Variants in PHC2 observed in about 807,000 individuals in gnomAD.
The protein encoded by PHC2 is polyhomeotic homolog 2.
In PHC2, 29 loss-of-function variants were observed where a neutral mutation model predicts 87.4. That is an observed-to-expected ratio of 0.33 (90% CI 0.25 to 0.45). PHC2 has a LOEUF of 0.45. Among genes scored for constraint, PHC2 ranks in the 20% least tolerant of loss-of-function variants. The pLI is 1.00. For synonymous variants in PHC2, 438 were observed against 461.7 expected (o/e 0.95, Z 0.66); for missense variants, 857 against 1,136.7 (o/e 0.75, Z 3.54).
At position 33,334,466 on chromosome 1, in the gene PHC2, A is replaced by G. The variant is rs916476149; in HGVS notation, c.1559-174T>C. On this transcript the variant is annotated intron_variant, in intron 9 of 14. Transcript: ENST00000683057. This position sits in a 1 kb window ranked among gnomAD's most constrained non-coding sequence, Gnocchi z 5.5. The stretch of plus-strand genomic sequence containing the variant: ...CCCATTTAAAAGTGGCACAGTTTCA[A>G]TGGACACATCACCAAGTATGAGTAT... 1.3e-5 allele frequency among the ~76,000 whole-genome samples: 2 copies of G among 152,222 alleles called. No homozygotes were observed. Among genetic ancestry groups the G allele is most frequent in the Admixed American group, 1.3e-4 (2 of 15,290 alleles).
At chr1:33,347,543 C>T (rs1220618074) in intron 9 of PHC2, 1 of 985,106 alleles carries the variant, frequency 1.0e-6, no homozygotes. Context: ...ACCTTTGTGC[C>T]ACATGTCAGT....
At chr1:33,428,748 T>C (rs1378654195) in intron 1 of PHC2, among the ~76,000 whole-genome samples, 2 of 152,140 alleles carry the variant, frequency 1.3e-5, no homozygotes, top group Admixed American at 6.5e-5. Context: ...GCATGAGACA[T>C]GGGTGGAAAC....
At chr1:33,333,171 ATTTC>A (rs1185673500) in intron 10 of PHC2, 3 of 152,252 alleles carry the variant, frequency 2.0e-5, no homozygotes, top group Non-Finnish European at 4.4e-5. Flanking sequence ...TTCCAGGCAG[ATTTC>A]TTTGCCACTG....
At chr1:33,399,966 AAG>A (rs911952862) in intron 1 of PHC2, among the ~76,000 whole-genome samples, 1 of 152,268 alleles carries the variant, frequency 6.6e-6, no homozygotes, top group South Asian at 2.1e-4. Context: ...AGAAATCAGT[AAG>A]AGAGAGATAT....
intron 1 of PHC2, among the ~76,000 whole-genome samples, chr1:33,381,736 G>A (rs573905627): frequency 2.0e-5 from 3 of 150,050 alleles, no homozygotes; most frequent in Admixed American, 6.7e-5. Context: ...AGTTGAAAAC[G>A]AACTGATATC....
Position 33,332,153 on chromosome 1 carries a change from G to A in PHC2, c.1891+122C>T. On this transcript the variant is annotated intron_variant, in intron 11 of 14. Transcript: ENST00000683057. The surrounding 1 kb of genome is among the most constrained non-coding windows in gnomAD (Gnocchi z 4.2). ...GGGAAGGAGGCTGAGGAGGTGCTGG[G>A]GGAAATGTTTACAGACTCGCTGGCT... 1 of 1,095,004 alleles carries A rather than the reference G, an allele frequency of 9.1e-7. No individual in the cohort carries two copies. Among genetic ancestry groups the A allele is most frequent in the East Asian group, 2.5e-5 (1 of 39,740 alleles). The allele number at this position is 1,095,004 out of a possible 1,614,324, so 67.8% of individuals were successfully genotyped here.
chr1:33,408,802 C>G (rs1649871510), intron 1 of PHC2, among the ~76,000 whole-genome samples: 1 of 152,104 alleles, frequency 6.6e-6, no homozygotes, highest in Non-Finnish European at 1.5e-5. Context: ...CTCATCCTTT[C>G]TCTAGGACCT....
chr1:33,370,683 T>TCC, intron 4 of PHC2, 98 bp from the exon 5 acceptor site: 1 of 1,215,924 alleles, frequency 8.2e-7, no homozygotes, highest in Non-Finnish European at 1.2e-6. Flanking sequence ...TGCTCCTTGG[T>TCC]TTATTCAGCC....
In PHC2 at chr1:33,331,967, G is replaced by A. The variant is rs80106889; in HGVS notation, c.1891+308C>T. 0.018 allele frequency among the ~76,000 whole-genome samples: 2,759 copies of A among 152,332 alleles called. 76 individuals carry two copies. The highest frequency in any genetic ancestry group is 0.062 in the African/African-American group (2,588 of 41,552). On this transcript the variant is annotated intron_variant, in intron 11 of 14. Coordinates refer to ENST00000683057, the MANE Select transcript of PHC2 (RefSeq NM_001385109.1). The surrounding 1 kb of genome is among the most constrained non-coding windows in gnomAD (Gnocchi z 5.2). ...CTGGCCCCAGTCTCAAGGCAGGGAC[G>A]AAGGGCAGGACTTGCCTGGGGCCAC...
At chr1:33,346,837 A>G (rs940601065) in intron 9 of PHC2, 1 of 985,348 alleles carries the variant, frequency 1.0e-6, no homozygotes, top group Non-Finnish European at 1.2e-6. Flanking sequence ...CACAATAGAG[A>G]AAAGTAGACA....
intron 1 of PHC2, among the ~76,000 whole-genome samples, chr1:33,405,076 C>A (rs370189944): frequency 6.6e-6 from 1 of 152,156 alleles, no homozygotes; most frequent in South Asian, 2.1e-4. Flanking sequence ...AAAAAGTATT[C>A]TTTATAATAC....
chr1:33,409,645 AATCT>A (rs906813325), intron 1 of PHC2, among the ~76,000 whole-genome samples: 1 of 152,204 alleles, frequency 6.6e-6, no homozygotes, highest in East Asian at 1.9e-4. Flanking sequence ...TTCCAGGCCC[AATCT>A]ATCTATCACT....
chr1:33,424,121 C>CA (rs1557850569), intron 1 of PHC2, among the ~76,000 whole-genome samples: 1 of 144,222 alleles, frequency 6.9e-6, no homozygotes. Flanking sequence ...ACAAAAAAAA[C>CA]AAAAAACAAA....
chr1:33,369,391 G>A lies in PHC2; in HGVS notation c.577-769C>T, dbSNP rs907617596. On this transcript the variant is annotated intron_variant, in intron 5 of 14. Transcript: ENST00000683057. The surrounding 1 kb of genome is among the most constrained non-coding windows in gnomAD (Gnocchi z 4.7). ...GGGTGTATGCCCTGCTCTGGGGAGG[G>A]AGGCAGACAGGCAGGCATCACGACC... Among the ~76,000 whole-genome samples, 14 of 152,186 alleles carry A rather than the reference G, an allele frequency of 9.2e-5. No homozygotes were observed. The highest frequency in any genetic ancestry group is 5.9e-4 in the Admixed American group (9 of 15,278).
intron 9 of PHC2, among the ~76,000 whole-genome samples, chr1:33,351,845 G>A (rs1220375146): frequency 3.3e-5 from 5 of 151,818 alleles, no homozygotes; most frequent in Non-Finnish European, 7.4e-5. Context: ...CCAGCTACTC[G>A]GGAGGCTGAG....
rs141574200 is a variant in PHC2 at position 33,372,101 on chromosome 1, A to G, written c.333+188T>C. Among the ~76,000 whole-genome samples the G allele has an allele frequency of 3.5e-3, 527 of 152,374 alleles. 5 individuals carry two copies. The highest frequency in any genetic ancestry group is 0.02 in the South Asian group (99 of 4,830). On this transcript the variant is annotated intron_variant, in intron 3 of 14. Transcript: ENST00000683057. ...TTCCGCCGCTATAGTCACTAGCTGC[A>G]TGACCCTGGGCTCTGTCCTTCATCT...
At chr1:33,337,979 C>A (rs1646672749) in intron 9 of PHC2, among the ~76,000 whole-genome samples, 1 of 152,120 alleles carries the variant, frequency 6.6e-6, no homozygotes, top group Admixed American at 6.5e-5. Context: ...GGAATTAATC[C>A]ATTCTCCTCT....
At chr1:33,405,979 G>A (rs1286606810) in intron 1 of PHC2, among the ~76,000 whole-genome samples, 1 of 152,180 alleles carries the variant, frequency 6.6e-6, no homozygotes, top group Non-Finnish European at 1.5e-5. Context: ...GTTAAGTACA[G>A]TGTTATATAT....
At chr1:33,362,660 C>G (rs1036475102) in intron 7 of PHC2, among the ~76,000 whole-genome samples, 18 of 152,220 alleles carry the variant, frequency 1.2e-4, no homozygotes, top group Admixed American at 3.3e-4. Flanking sequence ...GAGGGTCCCG[C>G]TTACACACAC....
Sources: gnomAD v4.1 joint callset for allele counts (sites outside exome capture counted in the v4.1 genomes callset) on GRCh38, gnomAD v4.1.1 for gene constraint, Gnocchi (gnomAD v3.1) non-coding constraint, MANE v1.5 for transcripts, NCBI Gene and HGNC (gene_info 2026-07-23, HGNC 2026-07-21) for gene names.